Variants in LDLRAD4 observed in about 807,000 individuals in gnomAD.
LDLRAD4 encodes low-density lipoprotein receptor class A domain-containing protein 4.
In LDLRAD4, 5 loss-of-function variants were observed where a neutral mutation model predicts 17.0. The ratio of observed to expected loss-of-function variants is 0.29; its 90% CI spans 0.15 to 0.62. LDLRAD4 has a LOEUF of 0.62. Among genes scored for constraint, LDLRAD4 ranks in the 20% least tolerant of loss-of-function variants. The pLI, the probability that LDLRAD4 is intolerant of heterozygous loss-of-function variation, is 0.84. For missense variants in LDLRAD4, 340 were observed against 424.7 expected, an observed-to-expected ratio of 0.80 and a Z score of 1.75; for synonymous variants, 168 against 171.8, an observed-to-expected ratio of 0.98 and a Z score of 0.17.
At chr18:13,224,474 C>CTTTTTTTT (rs10676168) in intron 1 of LDLRAD4, among the ~76,000 whole-genome samples, 52 of 87,884 alleles carry the variant, frequency 5.9e-4, no homozygotes, top group South Asian at 9.4e-4. Context: ...TTCTTTCTTT[C>CTTTTTTTT]TTTTTTTTTT....
chr18:13,448,378 T>G (rs1387188395), intron 3 of LDLRAD4, among the ~76,000 whole-genome samples: 1 of 152,188 alleles, frequency 6.6e-6, no homozygotes, highest in Non-Finnish European at 1.5e-5. Context: ...TCTCTTTTTA[T>G]GAATTTCTGC....
intron 3 of LDLRAD4, among the ~76,000 whole-genome samples, chr18:13,451,636 T>C (rs2091841822): frequency 6.6e-6 from 1 of 152,200 alleles, no homozygotes; most frequent in Non-Finnish European, 1.5e-5. Context: ...AATCAAAATG[T>C]GCATCTTACA....
At chr18:13,490,171 G>A (rs1243940799) in intron 3 of LDLRAD4, 1 of 152,120 alleles carries the variant, frequency 6.6e-6, no homozygotes, top group African/African-American at 2.4e-5. Context: ...ATCCACTGTG[G>A]TCTGCTTATT....
At chr18:13,369,319 G>C (rs78385115) in intron 1 of LDLRAD4, among the ~76,000 whole-genome samples, 23 of 152,326 alleles carry the variant, frequency 1.5e-4, no homozygotes, top group African/African-American at 5.5e-4. Flanking sequence ...TGTCCAACCT[G>C]GTGGAGACAG....
At chr18:13,400,090 T>C (rs1307599210) in intron 2 of LDLRAD4, among the ~76,000 whole-genome samples, 2 of 152,254 alleles carry the variant, frequency 1.3e-5, no homozygotes, top group African/African-American at 4.8e-5. Context: ...TAGCGGTTAT[T>C]GACTTTCATT....
chr18:13,511,369 G>C (rs747425957), intron 3 of LDLRAD4, among the ~76,000 whole-genome samples: 1 of 152,044 alleles, frequency 6.6e-6, no homozygotes, highest in African/African-American at 2.4e-5. Context: ...AAAATTAGCC[G>C]GGCATGGTCT....
chr18:13,546,700 C>A (rs1260330630), intron 3 of LDLRAD4, among the ~76,000 whole-genome samples: 1 of 152,134 alleles, frequency 6.6e-6, no homozygotes, highest in Non-Finnish European at 1.5e-5. Flanking sequence ...GAACTTCATG[C>A]AAGCTCATTA....
chr18:13,437,272 C>G (rs774127235), intron 2 of LDLRAD4, among the ~76,000 whole-genome samples: 1 of 152,270 alleles, frequency 6.6e-6, no homozygotes, highest in African/African-American at 2.4e-5. Context: ...TCCAGAGACT[C>G]TGTCTTCCCG....
At chr18:13,311,155 G>T (rs1224492921) in intron 1 of LDLRAD4, among the ~76,000 whole-genome samples, 1 of 152,238 alleles carries the variant, frequency 6.6e-6, no homozygotes, top group Admixed American at 6.5e-5. Context: ...CCATTCAGCT[G>T]TTGAGTCCAT....
At chr18:13,598,131 T>C (rs1412593655) in intron 3 of LDLRAD4, among the ~76,000 whole-genome samples, 2 of 152,234 alleles carry the variant, frequency 1.3e-5, no homozygotes, top group Non-Finnish European at 2.9e-5. Flanking sequence ...GATAATATAT[T>C]GTATTGACTC....
At chr18:13,579,391 T>C (rs181382504) in intron 3 of LDLRAD4, among the ~76,000 whole-genome samples, 6 of 152,300 alleles carry the variant, frequency 3.9e-5, no homozygotes, top group Admixed American at 3.9e-4. Flanking sequence ...ACATGGAAAA[T>C]GTGTAAGTGG....
At chr18:13,453,089 T>C (rs2091932814) in intron 3 of LDLRAD4, among the ~76,000 whole-genome samples, 3 of 152,216 alleles carry the variant, frequency 2.0e-5, no homozygotes. Context: ...ATTTGCATCA[T>C]GTGCAAATGA....
chr18:13,332,155 G>A (rs375047198), intron 1 of LDLRAD4, among the ~76,000 whole-genome samples: 1 of 152,206 alleles, frequency 6.6e-6, no homozygotes, highest in Non-Finnish European at 1.5e-5. Context: ...TAAATTATAC[G>A]TTCTTAGAAA....
chr18:13,380,302 C>A (rs1170642656), intron 1 of LDLRAD4, among the ~76,000 whole-genome samples: 1 of 152,224 alleles, frequency 6.6e-6, no homozygotes, highest in African/African-American at 2.4e-5. Flanking sequence ...GCGGCTGGTG[C>A]AGGTGTGCAC....
intron 3 of LDLRAD4, among the ~76,000 whole-genome samples, chr18:13,557,136 TA>T (rs374236958): frequency 0.014 from 2,006 of 144,548 alleles, 12 homozygotes; most frequent in Non-Finnish European, 0.018. Flanking sequence ...TTTACAAAAT[TA>T]AAAAAAAAAA....
chr18:13,501,210 A>C (rs540828602), intron 3 of LDLRAD4: 64 of 152,294 alleles, frequency 4.2e-4, no homozygotes, highest in African/African-American at 1.3e-3. Context: ...TCTCCTCTTC[A>C]ATCTTAAATA....
intron 3 of LDLRAD4, chr18:13,471,757 T>A (rs574906659): frequency 6.6e-6 from 1 of 152,522 alleles, no homozygotes; most frequent in African/African-American, 2.4e-5. Context: ...GCCCCGTGGC[T>A]TCTGCCAAGC....
chr18:13,265,265 C>T (rs895297690), intron 1 of LDLRAD4, among the ~76,000 whole-genome samples: 3 of 152,208 alleles, frequency 2.0e-5, no homozygotes, highest in African/African-American at 7.2e-5. Context: ...TCTAGGACCT[C>T]GTTCTGAGAA....
chr18:13,507,345 T>C (rs1160149570), intron 3 of LDLRAD4, among the ~76,000 whole-genome samples: 1 of 152,152 alleles, frequency 6.6e-6, no homozygotes. Context: ...GAAGTCCCCA[T>C]AGTCCATTAT....
Sources: allele counts gnomAD v4.1 joint callset (sites outside exome capture counted in the v4.1 genomes callset), GRCh38; gene constraint gnomAD v4.1.1; transcripts MANE v1.5; gene names NCBI Gene and HGNC (gene_info 2026-07-23, HGNC 2026-07-21).